The following ZNF227 variants were observed in gnomAD, a reference collection of about 807,000 sequenced individuals.
ZNF227 encodes the protein zinc finger protein 227.
In ZNF227, 12 loss-of-function variants were observed where a neutral mutation model predicts 13.2. The ratio of observed to expected loss-of-function variants is 0.91; its 90% CI spans 0.58 to 1.47. The LOEUF (loss-of-function observed/expected upper bound fraction) is 1.47, where lower values mean the gene tolerates loss of function less well. Ranked by LOEUF, ZNF227 falls within the 40% of genes most tolerant of loss-of-function variation. The pLI, the probability that ZNF227 is intolerant of heterozygous loss-of-function variation, is 0.00. For missense variants in ZNF227, 885 were observed against 967.5 expected (o/e 0.91, Z 1.13); for synonymous variants, 338 against 326.0 (o/e 1.04, Z -0.40).
rs1257652417 is a variant in ZNF227 at position 44,236,102 on chromosome 19, A to C, written c.1672A>C (p.Ser558Arg). The change falls in exon 6 of 6, where the codon AGT (serine) becomes CGT (arginine). Residue 558 changes from serine to arginine, a missense_variant. By Grantham distance (110) the Ser-to-Arg change is moderately radical. Transcript: ENST00000313040. Reference sequence around the variant, plus strand: ...ATGTGATGTGTGTGGTAAGGACTTCAGTTATAGTTCAAATCTTAAACTACA... The same window carrying C: ...ATGTGATGTGTGTGGTAAGGACTTCCGTTATAGTTCAAATCTTAAACTACA... Reference protein sequence around the residue: ...YRCDVCGKDFSYSSNLKLHQV... With the variant: ...YRCDVCGKDFRYSSNLKLHQV... 6.2e-7 allele frequency: 1 copy of C among 1,614,104 alleles called. No individual in the cohort carries two copies. The highest frequency in any genetic ancestry group is 1.7e-5 in the Admixed American group (1 of 60,020).
intron 4 of ZNF227, chr19:44,228,809 A>G: frequency 4.2e-6 from 2 of 476,784 alleles, no homozygotes. Context: ...ATATTTGGCA[A>G]TGTCTGGAAA....
At chr19:44,219,335 C>T (rs1035199057) in intron 3 of ZNF227, among the ~76,000 whole-genome samples, 1 of 152,106 alleles carries the variant, frequency 6.6e-6, no homozygotes, top group South Asian at 2.1e-4. Context: ...TTAAATTTCC[C>T]TACAGCAAAA....
intron 2 of ZNF227, among the ~76,000 whole-genome samples, chr19:44,217,024 G>T (rs937615370): frequency 6.9e-6 from 1 of 144,364 alleles, no homozygotes; most frequent in Non-Finnish European, 1.5e-5. Context: ...GTTCATTGGC[G>T]TGATCTTGGC....
At chr19:44,227,866 G>A (rs965769557) in intron 3 of ZNF227, among the ~76,000 whole-genome samples, 1 of 152,192 alleles carries the variant, frequency 6.6e-6, no homozygotes, top group Non-Finnish European at 1.5e-5. Context: ...CATGTGCCTT[G>A]AAAGCACAGG....
intron 3 of ZNF227, among the ~76,000 whole-genome samples, chr19:44,220,049 C>T (rs897339059): frequency 4.6e-5 from 7 of 151,404 alleles, no homozygotes; most frequent in South Asian, 2.1e-4. Flanking sequence ...TTTGTCCTTG[C>T]GATAGTTTGC....
At chr19:44,209,202 C>T (rs1971283288), upstream of ZNF227, among the ~76,000 whole-genome samples, 1 of 152,170 alleles carries the variant, frequency 6.6e-6, no homozygotes, top group Non-Finnish European at 1.5e-5. Flanking sequence ...CATGCACATA[C>T]AGAAAATAGT....
At chr19:44,222,980 T>C (rs1227334377) in intron 3 of ZNF227, among the ~76,000 whole-genome samples, 2 of 152,140 alleles carry the variant, frequency 1.3e-5, no homozygotes, top group East Asian at 1.9e-4. Flanking sequence ...TGAAGGGTTG[T>C]TGAATTTTGT....
In ZNF227 at chr19:44,213,148, G is replaced by T. The variant is rs1448935525; in HGVS notation, c.-99G>T. On this transcript the variant is annotated 5_prime_UTR_variant, in exon 2 of 6. Transcript: ENST00000313040. ...TTTACCGCCGTTTATCCGGGATAGA[G>T]ACTCCATCGTGCTGACAGCATCCTT... 4 of 151,976 alleles carry T rather than the reference G, an allele frequency of 2.6e-5. No homozygotes were observed. The highest frequency in any genetic ancestry group is 5.9e-5 in the Non-Finnish European group (4 of 68,016). The allele number at this position is 151,976 out of a possible 1,614,324, so 9.4% of individuals were successfully genotyped here.
chr19:44,229,369 C>T (rs557253365), intron 4 of ZNF227, among the ~76,000 whole-genome samples: 3 of 152,110 alleles, frequency 2.0e-5, no homozygotes, highest in Non-Finnish European at 4.4e-5. Flanking sequence ...TGCAGCAATA[C>T]GGGAGGCCAG....
chr19:44,237,171 C>G lies in ZNF227; in HGVS notation c.*341C>G, dbSNP rs1243495409. 1.5e-5 allele frequency: 3 copies of G among 197,302 alleles called. No homozygotes were observed. The highest frequency in any genetic ancestry group is 3.1e-5 in the Non-Finnish European group (3 of 97,692). 12.2% of individuals were successfully genotyped at this position (197,302 alleles called of 1,614,324 possible). ...CAGGGAGAGTTTTGGGTTATTATCCCTTTTCTTTAATTTTCATTTTATACT... is the reference window on the plus strand; with the variant it reads ...CAGGGAGAGTTTTGGGTTATTATCCGTTTTCTTTAATTTTCATTTTATACT... On this transcript the variant is annotated 3_prime_UTR_variant, in exon 6 of 6. Transcript: ENST00000313040.
intron 3 of ZNF227, chr19:44,227,437 G>C (rs982178758): frequency 6.6e-6 from 1 of 152,112 alleles, no homozygotes; most frequent in Non-Finnish European, 1.5e-5. Flanking sequence ...TAGTAGAGAC[G>C]GGGTTTCAGC....
chr19:44,230,926 A>AAAAAAAAAAATATATATATAT (rs1555792168), intron 5 of ZNF227, among the ~76,000 whole-genome samples: 1 of 68,134 alleles, frequency 1.5e-5, no homozygotes, highest in African/African-American at 9.8e-5. Flanking sequence ...AAAAAAAAAA[A>AAAAAAAAAAATATATATATAT]ATATATATAT....
At chr19:44,230,520 A>G (rs1349573162) in intron 5 of ZNF227, among the ~76,000 whole-genome samples, 4 of 152,040 alleles carry the variant, frequency 2.6e-5, no homozygotes, top group Non-Finnish European at 4.4e-5. Flanking sequence ...GTATTTGTTA[A>G]GCATACCAAG....
At chr19:44,209,267 C>T (rs1971285046), upstream of ZNF227, among the ~76,000 whole-genome samples, 1 of 152,170 alleles carries the variant, frequency 6.6e-6, no homozygotes, top group Non-Finnish European at 1.5e-5. Context: ...AACATTTTGT[C>T]TATCTTATTG....
intron 3 of ZNF227, among the ~76,000 whole-genome samples, chr19:44,221,717 G>A (rs1321884732): frequency 1.3e-5 from 2 of 152,136 alleles, no homozygotes; most frequent in South Asian, 2.1e-4. Context: ...TAGGTTGCCT[G>A]TCCACTCTGA....
intron 3 of ZNF227, among the ~76,000 whole-genome samples, chr19:44,220,158 A>G (rs1431823528): frequency 6.6e-5 from 10 of 151,982 alleles, no homozygotes; most frequent in African/African-American, 4.8e-5. Flanking sequence ...TATGTGCCAC[A>G]TTTTCTTAAT....
chr19:44,209,231 G>T (rs1971284282), upstream of ZNF227, among the ~76,000 whole-genome samples: 2 of 151,980 alleles, frequency 1.3e-5, no homozygotes, highest in Non-Finnish European at 2.9e-5. Context: ...CCCCCACCCC[G>T]CCATCATTTG....
upstream of ZNF227, among the ~76,000 whole-genome samples, chr19:44,210,980 G>A (rs140768299): frequency 0.055 from 8,378 of 152,186 alleles, 279 homozygotes; most frequent in South Asian, 0.088. Flanking sequence ...GATCACCTGA[G>A]GTCAGGAATT....
chr19:44,218,282 T>C (rs1171351006), intron 3 of ZNF227, among the ~76,000 whole-genome samples: 1 of 152,186 alleles, frequency 6.6e-6, no homozygotes, highest in Non-Finnish European at 1.5e-5. Context: ...TTTCAGAAAT[T>C]CAGAAATTTT....
Sources: gnomAD v4.1 joint callset for allele counts (sites outside exome capture counted in the v4.1 genomes callset) on GRCh38, gnomAD v4.1.1 for gene constraint, MANE v1.5 for transcripts, NCBI Gene and HGNC (gene_info 2026-07-23, HGNC 2026-07-21) for gene names.